CSMD1: variants seen among roughly 807,000 people sequenced by gnomAD.
CSMD1 encodes the protein CUB and Sushi multiple domains 1.
In CSMD1, 213 loss-of-function variants were observed where a neutral mutation model predicts 417.5. That is an observed-to-expected ratio of 0.51 (90% confidence interval 0.46 to 0.57). The LOEUF is 0.57. Ranked by LOEUF, CSMD1 falls within the 20% of genes least tolerant of loss-of-function variation. The pLI is 0.00. For synonymous variants in CSMD1, 2,862 were observed against 1,736.8 expected (o/e 1.65, Z -16.11); for missense variants, 6,923 against 4,529.7 (o/e 1.53, Z -15.17).
At chr8:3,989,859 GATTGCACAAA>G (rs1814611853) in intron 5 of CSMD1, among the ~76,000 whole-genome samples, 1 of 152,148 alleles carries the variant, frequency 6.6e-6, no homozygotes, top group African/African-American at 2.4e-5. Context: ...AGGAGTATAG[GATTGCACAAA>G]ATTACCTTAT....
chr8:4,504,496 G>T (rs548055831), intron 2 of CSMD1, among the ~76,000 whole-genome samples: 2 of 152,146 alleles, frequency 1.3e-5, no homozygotes, highest in Non-Finnish European at 2.9e-5. Context: ...TTAAGTTCTG[G>T]AATACATGTG....
At chr8:3,631,265 C>A (rs1321895120) in intron 7 of CSMD1, among the ~76,000 whole-genome samples, 1 of 152,170 alleles carries the variant, frequency 6.6e-6, no homozygotes, top group Non-Finnish European at 1.5e-5. Flanking sequence ...CGACTCAGCA[C>A]CCTTCCAACT....
At chr8:4,526,836 T>A (rs1796537774) in intron 2 of CSMD1, among the ~76,000 whole-genome samples, 1 of 151,922 alleles carries the variant, frequency 6.6e-6, no homozygotes, top group Non-Finnish European at 1.5e-5. Flanking sequence ...TCGACAAATG[T>A]TTTTTTTCTC....
chr8:3,383,288 A>G (rs1009782144), intron 18 of CSMD1, among the ~76,000 whole-genome samples: 1 of 152,366 alleles, frequency 6.6e-6, no homozygotes, highest in Admixed American at 6.5e-5. Flanking sequence ...TCACACCTCA[A>G]TAAAGCTGTT....
chr8:3,834,783 C>T (rs535459783), intron 5 of CSMD1, among the ~76,000 whole-genome samples: 94 of 151,786 alleles, frequency 6.2e-4, no homozygotes, highest in Admixed American at 1.0e-3. Flanking sequence ...TCAAGGCAAC[C>T]TACAAAATGG....
intron 1 of CSMD1, among the ~76,000 whole-genome samples, chr8:4,672,632 A>T (rs1015144818): frequency 6.6e-6 from 1 of 152,166 alleles, no homozygotes; most frequent in African/African-American, 2.4e-5. Context: ...TAAAAAGAAT[A>T]AAATAACAAA....
chr8:4,237,179 C>T (rs905560377), intron 3 of CSMD1, among the ~76,000 whole-genome samples: 1 of 152,180 alleles, frequency 6.6e-6, no homozygotes, highest in Non-Finnish European at 1.5e-5. Context: ...GCTCCCTTCG[C>T]CTTTCCATAT....
chr8:3,517,160 T>C (rs1440502348), intron 10 of CSMD1, among the ~76,000 whole-genome samples: 1 of 152,158 alleles, frequency 6.6e-6, no homozygotes, highest in East Asian at 1.9e-4. Context: ...CTCATGCTCA[T>C]CCCTTCTCAT....
At chr8:3,975,870 C>A (rs549838847) in intron 5 of CSMD1, among the ~76,000 whole-genome samples, 5 of 152,106 alleles carry the variant, frequency 3.3e-5, no homozygotes, top group South Asian at 2.1e-4. Flanking sequence ...CATTTTTCCA[C>A]AAATATTATG....
At chr8:3,258,811 G>A (rs1800845710) in intron 26 of CSMD1, among the ~76,000 whole-genome samples, 1 of 152,158 alleles carries the variant, frequency 6.6e-6, no homozygotes. Flanking sequence ...TGGAGCTGGA[G>A]GCCATTATTC....
chr8:4,415,063 T>C (rs1796855904), intron 3 of CSMD1, among the ~76,000 whole-genome samples: 1 of 152,144 alleles, frequency 6.6e-6, no homozygotes, highest in Non-Finnish European at 1.5e-5. Context: ...TGAAAGTAAT[T>C]CAGCTTTTTT....
intron 5 of CSMD1, among the ~76,000 whole-genome samples, chr8:3,965,811 G>C (rs967257929): frequency 1.3e-5 from 2 of 151,952 alleles, no homozygotes; most frequent in Admixed American, 1.3e-4. Flanking sequence ...TAGAGATGGG[G>C]TTTCACCATG....
intron 30 of CSMD1, among the ~76,000 whole-genome samples, chr8:3,212,035 C>T (rs568539198): frequency 6.6e-6 from 1 of 152,222 alleles, no homozygotes; most frequent in South Asian, 2.1e-4. Flanking sequence ...TCGTTTGTCT[C>T]CGTCCTGTTT....
chr8:3,270,766 T>C (rs1198886505), intron 26 of CSMD1, among the ~76,000 whole-genome samples: 1 of 152,190 alleles, frequency 6.6e-6, no homozygotes, highest in Non-Finnish European at 1.5e-5. Context: ...TTTGTATTAG[T>C]CTGTTTTCAT....
intron 6 of CSMD1, among the ~76,000 whole-genome samples, chr8:3,724,141 G>A (rs1458909546): frequency 1.9e-5 from 1 of 51,490 alleles, no homozygotes; most frequent in Admixed American, 1.9e-4. Context: ...CTTTCACCAT[G>A]CCAGACGTTA....
At chr8:2,998,271 T>C in intron 53 of CSMD1, 87 bp from the exon 54 acceptor site, 15 of 1,381,298 alleles carry the variant, frequency 1.1e-5, no homozygotes, top group Non-Finnish European at 1.4e-5. Flanking sequence ...CATGCAGGCA[T>C]GCTAACGGTA....
chr8:4,837,510 G>C (rs1028019756), intron 1 of CSMD1, among the ~76,000 whole-genome samples: 3 of 152,174 alleles, frequency 2.0e-5, no homozygotes, highest in African/African-American at 7.2e-5. Flanking sequence ...AAACACAAAA[G>C]TATAGCTTTT....
chr8:3,482,528 C>T (rs1006513288), intron 11 of CSMD1, among the ~76,000 whole-genome samples: 8 of 152,266 alleles, frequency 5.3e-5, no homozygotes, highest in Non-Finnish European at 5.9e-5. Flanking sequence ...GAAGCAAAAA[C>T]TGATAAAGCT....
intron 5 of CSMD1, among the ~76,000 whole-genome samples, chr8:3,773,265 A>T (rs900235297): frequency 2.0e-5 from 3 of 152,172 alleles, no homozygotes; most frequent in Admixed American, 6.5e-5. Context: ...TTCTCCATGC[A>T]TAATTTGGGG....
Sources: allele counts gnomAD v4.1 joint callset (sites outside exome capture counted in the v4.1 genomes callset), GRCh38; gene constraint gnomAD v4.1.1; transcripts MANE v1.5; gene names NCBI Gene and HGNC (gene_info 2026-07-23, HGNC 2026-07-21).